Variants in VTCN1 observed in about 807,000 individuals in gnomAD.
The protein encoded by VTCN1 is V-set domain containing T cell activation inhibitor 1, also known as V-set domain-containing T-cell activation inhibitor 1.
VTCN1 carries 26 observed loss-of-function variants against 26.5 expected under a neutral mutation model. The observed-to-expected ratio is 0.98, with a 90% CI of 0.72 to 1.36. VTCN1 has a LOEUF of 1.36. Among genes scored for constraint, VTCN1 ranks in the 40% most tolerant of loss-of-function variants. The probability of loss-of-function intolerance (pLI) is 0.00; values close to 1 mark genes in which losing one functional copy is unlikely to be tolerated. For missense variants in VTCN1, 298 were observed against 337.7 expected, an observed-to-expected ratio of 0.88 and a Z score of 0.92; for synonymous variants, 116 against 130.7, an observed-to-expected ratio of 0.89 and a Z score of 0.77.
chr1:117,177,677 C>A (rs80098555), intron 1 of VTCN1, among the ~76,000 whole-genome samples: 4,009 of 152,130 alleles, frequency 0.026, 193 homozygotes, highest in African/African-American at 0.091. Flanking sequence ...TTTCTAGCTA[C>A]CCCCAAGAAT....
At position 117,148,666 on chromosome 1, in the gene VTCN1, T is replaced by C. The variant is rs1651639202; in HGVS notation, c.725-884A>G. On this transcript the variant is annotated intron_variant, in intron 4 of 5. Coordinates refer to ENST00000369458, the MANE Select transcript of VTCN1 (RefSeq NM_024626.4). Reference sequence around the variant, plus strand: ...GTAAATATTTCTGAGTACCTACTATTGGGGTTCAAAGAAGTCCAATAAATA... The same window carrying C: ...GTAAATATTTCTGAGTACCTACTATCGGGGTTCAAAGAAGTCCAATAAATA... 2.0e-5 allele frequency among the ~76,000 whole-genome samples: 3 copies of C among 152,220 alleles called. No individual in the cohort carries two copies. In the South Asian group the frequency reaches 6.2e-4, roughly 32 times the overall value.
At position 117,179,144 on chromosome 1, in the gene VTCN1, C is replaced by G. The variant is rs138842239; in HGVS notation, c.33-8973G>C. On this transcript the variant is annotated intron_variant, in intron 1 of 5. Transcript: ENST00000369458. The stretch of plus-strand genomic sequence containing the variant: ...ACAGGGTTTCTCAAACTCCGTACTA[C>G]GAACTATTTGTGCTAGATAATTCTT... Among the ~76,000 whole-genome samples the G allele has an allele frequency of 6.0e-3, 907 of 152,304 alleles. 10 individuals are homozygous for G. The highest frequency in any genetic ancestry group is 0.02 in the African/African-American group (818 of 41,546).
At chr1:117,154,538 C>T (rs1265066928) in intron 3 of VTCN1, among the ~76,000 whole-genome samples, 1 of 152,140 alleles carries the variant, frequency 6.6e-6, no homozygotes, top group East Asian at 1.9e-4. Flanking sequence ...AATCCAAGCA[C>T]TTTGGGAGGC....
rs765039731 is a variant in VTCN1 at position 117,156,697 on chromosome 1, C to T, written c.322G>A (p.Val108Met). 7 of 1,614,200 alleles carry T rather than the reference C, an allele frequency of 4.3e-6. No homozygotes were observed. In the South Asian group the frequency reaches 5.5e-5, roughly 13 times the overall value. Residue 108 changes from valine to methionine, a missense_variant, in exon 3 of 6, where the codon GTG becomes ATG. Coordinates refer to ENST00000369458, the MANE Select transcript of VTCN1 (RefSeq NM_024626.4). ...CGCAAAGAGGCATTGCCAACTATCA[C>T]TTGATCAGCAAACACTGCTGTCCGG... ...RGRTAVFADQ[V>M]IVGNASLRLK...
chr1:117,181,604 G>A (rs1182634799), intron 1 of VTCN1, among the ~76,000 whole-genome samples: 2 of 152,208 alleles, frequency 1.3e-5, no homozygotes, highest in Admixed American at 6.5e-5. Context: ...AGCCCAGAAC[G>A]TGCCCTCCCT....
At chr1:117,150,540 T>G (rs1389999638) in intron 4 of VTCN1, among the ~76,000 whole-genome samples, 1 of 152,218 alleles carries the variant, frequency 6.6e-6, no homozygotes, top group Non-Finnish European at 1.5e-5. Flanking sequence ...CTAACCAGGA[T>G]AGTTGCCAAT....
chr1:117,177,953 G>C (rs1054370165), intron 1 of VTCN1, among the ~76,000 whole-genome samples: 4 of 149,544 alleles, frequency 2.7e-5, no homozygotes, highest in African/African-American at 9.9e-5. Flanking sequence ...GGGTAGGTTG[G>C]GGGTGGCGAC....
In VTCN1 at chr1:117,156,619, T is replaced by C. The variant is rs202207911; in HGVS notation, c.400A>G (p.Thr134Ala). 5.6e-6 allele frequency: 9 copies of C among 1,612,724 alleles called. No individual in the cohort carries two copies. Among genetic ancestry groups the C allele is most frequent in the African/African-American group, 1.3e-5 (1 of 75,030 alleles). ...TTAGCATTCCCCTTGCCTTTAGAAG[T>C]GATGATATAACATTTGTAGGTGCCA... Reference protein sequence around the residue: ...DAGTYKCYIITSKGKGNANLE... With the variant: ...DAGTYKCYIIASKGKGNANLE... The change falls in exon 3 of 6, where the codon ACT (threonine) becomes GCT (alanine). Residue 134 changes from threonine to alanine, a missense_variant. Transcript: ENST00000369458.
Position 117,182,637 on chromosome 1 carries a change from A to G in VTCN1, c.33-12466T>C, listed in dbSNP as rs559543047. 2.0e-5 allele frequency among the ~76,000 whole-genome samples: 3 copies of G among 152,276 alleles called. No individual in the cohort carries two copies. In the East Asian group the frequency reaches 5.8e-4, roughly 29 times the overall value. ...GTAGAACCCTTCTGTGGTCCTGACC[A>G]TCTGTAGCAGACACAAAGGAAGCTT... On this transcript the variant is annotated intron_variant, in intron 1 of 5. Transcript: ENST00000369458.
chr1:117,200,913 C>T (rs867635293), intron 1 of VTCN1, among the ~76,000 whole-genome samples: 3 of 152,088 alleles, frequency 2.0e-5, no homozygotes, highest in Admixed American at 6.6e-5. Flanking sequence ...CCAGCTACTA[C>T]GCCAGGCTAA....
Position 117,163,153 on chromosome 1 carries a change from G to C in VTCN1, c.98-6232C>G, listed in dbSNP as rs117379326. ...GTGGGGAGAACAGTTGCTTCCGTGA[G>C]AAGAAATTTAAAAGGACACTGGGCA... On this transcript the variant is annotated intron_variant, in intron 2 of 5. Coordinates refer to ENST00000369458, the MANE Select transcript of VTCN1 (RefSeq NM_024626.4). Among the ~76,000 whole-genome samples the C allele has an allele frequency of 4.5e-4, 69 of 152,344 alleles. 1 individual carries two copies. The East Asian group carries it at 9.6e-3, about 21-fold the overall frequency.
chr1:117,182,593 A>G (rs1647727188), intron 1 of VTCN1, among the ~76,000 whole-genome samples: 1 of 152,150 alleles, frequency 6.6e-6, no homozygotes, highest in African/African-American at 2.4e-5. Context: ...TCCCTGTCCT[A>G]GGGTGGAGGC....
In VTCN1 at chr1:117,153,289, G is replaced by A. The variant is rs769456827; in HGVS notation, c.526C>T (p.Gln176Ter). The part of the protein sequence containing the change: ...LRCEAPRWFP[Q>*]PTVVWASQVD... ...TGGGATGCCCAGACCACTGTGGGCTGGGGGAACCATCGGGGAGCCTCACAC... is the reference window on the plus strand; with the variant it reads ...TGGGATGCCCAGACCACTGTGGGCTAGGGGAACCATCGGGGAGCCTCACAC... The change falls in exon 4 of 6, where the codon CAG becomes TAG. Residue 176 changes from glutamine (Q) to a stop codon, truncating the protein, a stop_gained. Transcript: ENST00000369458. LOFTEE classifies it high-confidence loss of function. 2 of 1,614,010 alleles carry A rather than the reference G, an allele frequency of 1.2e-6. No homozygotes were observed. The highest frequency in any genetic ancestry group is 1.1e-5 in the South Asian group (1 of 91,058).
intron 4 of VTCN1, among the ~76,000 whole-genome samples, chr1:117,150,137 T>C (rs59508012): frequency 0.028 from 4,302 of 152,236 alleles, 218 homozygotes; most frequent in African/African-American, 0.099. Context: ...AGTCCCTCCT[T>C]CTCTTCTGGG....
At chr1:117,188,047 T>C (rs905547853) in intron 1 of VTCN1, among the ~76,000 whole-genome samples, 9 of 152,198 alleles carry the variant, frequency 5.9e-5, no homozygotes, top group African/African-American at 1.9e-4. Context: ...TTCGGGGATT[T>C]TTTTTTCTTC....
At position 117,167,383 on chromosome 1, in the gene VTCN1, G is replaced by C. The variant is rs577263602; in HGVS notation, c.97+2724C>G. On this transcript the variant is annotated intron_variant, in intron 2 of 5. Transcript: ENST00000369458. This position sits in a 1 kb window ranked among gnomAD's most constrained non-coding sequence, Gnocchi z 4.1. Reference sequence around the variant, plus strand: ...GCTTACTTGTCCCCAAAGGTAATAAGAACCATTATTCTACCTTTGACCAGC... The same window carrying C: ...GCTTACTTGTCCCCAAAGGTAATAACAACCATTATTCTACCTTTGACCAGC... Among the ~76,000 whole-genome samples the C allele has an allele frequency of 6.6e-6, 1 of 152,112 alleles. No individual in the cohort carries two copies. Among genetic ancestry groups the C allele is most frequent in the East Asian group, 1.9e-4 (1 of 5,178 alleles).
At position 117,175,263 on chromosome 1, in the gene VTCN1, A is replaced by G. The variant is rs1647273028; in HGVS notation, c.33-5092T>C. On this transcript the variant is annotated intron_variant, in intron 1 of 5. Coordinates refer to ENST00000369458, the MANE Select transcript of VTCN1 (RefSeq NM_024626.4). The surrounding 1 kb of genome is among the most constrained non-coding windows in gnomAD (Gnocchi z 4.2). ...TGTAATTAGTCTACTAACAGAAACA[A>G]TAACTAGTACCTCGGGAGATAACTT... Among the ~76,000 whole-genome samples the G allele has an allele frequency of 6.6e-6, 1 of 152,268 alleles. No individual in the cohort carries two copies. Among genetic ancestry groups the G allele is most frequent in the African/African-American group, 2.4e-5 (1 of 41,472 alleles).
Position 117,156,680 on chromosome 1 carries a change from G to A in VTCN1, c.339C>T (p.Ala113=), listed in dbSNP as rs984626224. 113 of 1,614,022 alleles carry A rather than the reference G, an allele frequency of 7.0e-5. No homozygotes were observed. The highest frequency in any genetic ancestry group is 9.3e-5 in the Non-Finnish European group (110 of 1,180,018). Residue 113 remains alanine (A), a synonymous_variant, in exon 3 of 6, where the codon GCC becomes GCT. Coordinates refer to ENST00000369458, the MANE Select transcript of VTCN1 (RefSeq NM_024626.4). ...GTTGCACGTTTTTCAGCCGCAAAGAGGCATTGCCAACTATCACTTGATCAG... is the reference window on the plus strand; with the variant it reads ...GTTGCACGTTTTTCAGCCGCAAAGAAGCATTGCCAACTATCACTTGATCAG... ...VFADQVIVGN[A]SLRLKNVQLT...
chr1:117,149,125 G>A (rs1160446458), intron 4 of VTCN1, among the ~76,000 whole-genome samples: 3 of 152,118 alleles, frequency 2.0e-5, no homozygotes, highest in African/African-American at 7.2e-5. Flanking sequence ...CTCATAAAAG[G>A]AAATATATGG....
Sources: allele counts gnomAD v4.1 joint callset (sites outside exome capture counted in the v4.1 genomes callset), GRCh38; gene constraint gnomAD v4.1.1; non-coding constraint Gnocchi (gnomAD v3.1); transcripts MANE v1.5; gene names NCBI Gene and HGNC (gene_info 2026-07-23, HGNC 2026-07-21).